Variants in PARD3B observed in about 807,000 individuals in gnomAD.
PARD3B encodes the protein par-3 family cell polarity regulator beta.
PARD3B carries 103 observed loss-of-function variants against 130.2 expected under a neutral mutation model. The ratio of observed to expected loss-of-function variants is 0.79; its 90% confidence interval spans 0.67 to 0.93. The LOEUF is 0.93. PARD3B is among the 40% of genes least tolerant of loss of function. PARD3B has a pLI of 0.00. For missense variants in PARD3B, 1,609 were observed against 1,499.2 expected (o/e 1.07, Z -1.21); for synonymous variants, 583 against 553.2 (o/e 1.05, Z -0.76).
At chr2:204,840,782 TGAAA>T (rs111693165) in intron 2 of PARD3B, among the ~76,000 whole-genome samples, 11,285 of 152,214 alleles carry the variant, frequency 0.074, 990 homozygotes, top group African/African-American at 0.21. Flanking sequence ...TGAGATATTT[TGAAA>T]GAAAGAACAC....
chr2:205,126,090 G>A (rs2031360096), intron 10 of PARD3B, among the ~76,000 whole-genome samples: 2 of 152,134 alleles, frequency 1.3e-5, no homozygotes, highest in South Asian at 4.1e-4. Context: ...CTTTAATGAA[G>A]TTTACAGTCT....
chr2:204,883,436 TATATATATATATATA>T (rs2046139799), intron 2 of PARD3B, among the ~76,000 whole-genome samples: 6 of 101,350 alleles, frequency 5.9e-5, no homozygotes, highest in Admixed American at 3.3e-4. Context: ...ATATATAAAA[TATATATATATATATA>T]TATATTTTTT....
chr2:205,426,157 AATATT>A (rs1364598346), intron 19 of PARD3B, among the ~76,000 whole-genome samples: 1 of 152,206 alleles, frequency 6.6e-6, no homozygotes, highest in African/African-American at 2.4e-5. Flanking sequence ...AATGGTGAAA[AATATT>A]AATGCAGTTA....
intron 15 of PARD3B, among the ~76,000 whole-genome samples, chr2:205,217,862 GTGTGTGTATATATA>G (rs1226043242): frequency 2.5e-5 from 2 of 78,824 alleles, no homozygotes; most frequent in African/African-American, 1.2e-4. Flanking sequence ...GTGTGTGTGT[GTGTGTGTATATATA>G]TATATATATA....
At chr2:205,149,472 G>A (rs2033598944) in intron 10 of PARD3B, among the ~76,000 whole-genome samples, 1 of 152,132 alleles carries the variant, frequency 6.6e-6, no homozygotes. Flanking sequence ...TCATCCCACA[G>A]AGATCATACT....
chr2:204,649,788 G>T (rs937210617), intron 1 of PARD3B, among the ~76,000 whole-genome samples: 2 of 152,114 alleles, frequency 1.3e-5, no homozygotes, highest in Non-Finnish European at 2.9e-5. Flanking sequence ...AGACTTAAAT[G>T]TAAAATCCAA....
At chr2:205,226,759 T>A (rs1366905590) in intron 15 of PARD3B, among the ~76,000 whole-genome samples, 1 of 152,230 alleles carries the variant, frequency 6.6e-6, no homozygotes, top group African/African-American at 2.4e-5. Context: ...CTGATTACTT[T>A]AGCTGTGTAG....
chr2:204,963,295 A>G (rs1355531712), intron 2 of PARD3B, among the ~76,000 whole-genome samples: 1 of 152,112 alleles, frequency 6.6e-6, no homozygotes, highest in Non-Finnish European at 1.5e-5. Context: ...ATCTTAAGAA[A>G]AAATATTTAT....
At chr2:204,757,353 G>T (rs1232926945) in intron 2 of PARD3B, among the ~76,000 whole-genome samples, 1 of 152,102 alleles carries the variant, frequency 6.6e-6, no homozygotes, top group African/African-American at 2.4e-5. Context: ...TTTCCACAGG[G>T]ACTAACCTCA....
In PARD3B at chr2:204,638,690, G is replaced by C. The variant is rs535029414; in HGVS notation, c.121-47491G>C. Among the ~76,000 whole-genome samples the C allele has an allele frequency of 1.4e-4, 22 of 152,166 alleles. No homozygotes were observed. In the South Asian group the frequency reaches 4.6e-3, roughly 32 times the overall value. ...TAAGCATGCCAAGATTTTGGGGGGA[G>C]GAGGGGGACTTCAAATGACTATGCA... On this transcript the variant is annotated intron_variant, in intron 1 of 22. Coordinates refer to ENST00000406610, the MANE Select transcript of PARD3B (RefSeq NM_001302769.2).
intron 15 of PARD3B, among the ~76,000 whole-genome samples, chr2:205,197,074 T>TGTGTGTGTGTGTGTGTGA (rs1215097347): frequency 7.0e-6 from 1 of 143,860 alleles, no homozygotes; most frequent in Admixed American, 7.0e-5. Flanking sequence ...TGTGTGTGTG[T>TGTGTGTGTGTGTGTGTGA]GAGAGAGAGA....
rs1329124538 is a variant in PARD3B at position 205,103,124 on chromosome 2, T to C, written c.505-1302T>C. ...TTTTTATATTTATATTTTATATTTA[T>C]GTAAAATAAACATATTTTATATTTA... On this transcript the variant is annotated intron_variant, in intron 4 of 22. Transcript: ENST00000406610. 2.5e-4 allele frequency among the ~76,000 whole-genome samples: 34 copies of C among 133,830 alleles called. No homozygotes were observed. The Admixed American group carries it at 2.6e-3, about 10-fold the overall frequency. 87.8% of individuals were successfully genotyped at this position (133,830 alleles called of 152,430 possible).
chr2:204,952,581 G>T (rs913898542), intron 2 of PARD3B, among the ~76,000 whole-genome samples: 4 of 151,924 alleles, frequency 2.6e-5, no homozygotes, highest in African/African-American at 7.3e-5. Flanking sequence ...GACAACTTCA[G>T]TATACTTAAA....
intron 2 of PARD3B, among the ~76,000 whole-genome samples, chr2:204,763,211 C>T (rs186372392): frequency 6.6e-5 from 10 of 152,298 alleles, no homozygotes; most frequent in East Asian, 3.9e-4. Flanking sequence ...AACTGCTTTC[C>T]GATGTTGACA....
At chr2:205,144,489 A>G (rs983642054) in intron 10 of PARD3B, among the ~76,000 whole-genome samples, 1 of 152,178 alleles carries the variant, frequency 6.6e-6, no homozygotes, top group Non-Finnish European at 1.5e-5. Flanking sequence ...ATTTGTTTGT[A>G]GTATGATGAT....
intron 11 of PARD3B, among the ~76,000 whole-genome samples, chr2:205,161,912 T>G (rs1559498464): frequency 6.6e-6 from 1 of 152,226 alleles, no homozygotes; most frequent in Non-Finnish European, 1.5e-5. Context: ...CTGTGCATTC[T>G]GTGTGCTGGA....
At chr2:205,332,613 C>T (rs1363964531) in intron 18 of PARD3B, among the ~76,000 whole-genome samples, 1 of 152,158 alleles carries the variant, frequency 6.6e-6, no homozygotes, top group Non-Finnish European at 1.5e-5. Flanking sequence ...TGAGTAGTGG[C>T]TTGAGGAGCT....
chr2:205,481,492 G>A (rs2049234856), intron 20 of PARD3B, among the ~76,000 whole-genome samples: 1 of 152,156 alleles, frequency 6.6e-6, no homozygotes, highest in Non-Finnish European at 1.5e-5. Flanking sequence ...CTATGAACCG[G>A]GCTCGTGGAA....
chr2:205,038,699 G>T (rs1439749532), intron 3 of PARD3B, among the ~76,000 whole-genome samples: 1 of 152,166 alleles, frequency 6.6e-6, no homozygotes, highest in Non-Finnish European at 1.5e-5. Context: ...TCATGCGTGT[G>T]CTTATTCATA....
Sources: allele counts gnomAD v4.1 joint callset (sites outside exome capture counted in the v4.1 genomes callset), GRCh38; gene constraint gnomAD v4.1.1; transcripts MANE v1.5; gene names NCBI Gene and HGNC (gene_info 2026-07-23, HGNC 2026-07-21).